Variants in ARMC2 observed in about 807,000 individuals in gnomAD.
ARMC2 encodes the protein armadillo repeat containing 2.
Under a neutral mutation model 90.3 loss-of-function variants are expected in ARMC2, and 67 were observed. The observed-to-expected ratio is 0.74, with a 90% CI of 0.61 to 0.91. The LOEUF (loss-of-function observed/expected upper bound fraction) is 0.91. Among genes scored for constraint, ARMC2 ranks in the 40% least tolerant of loss-of-function variants. The pLI, the probability that ARMC2 is intolerant of heterozygous loss-of-function variation, is 0.00. For synonymous variants in ARMC2, 393 were observed against 393.0 expected (o/e 1.00, Z 0.00); for missense variants, 920 against 1,030.9 (o/e 0.89, Z 1.47).
chr6:108,848,978 G>C (rs1225164520), intron 1 of ARMC2, among the ~76,000 whole-genome samples: 4 of 152,152 alleles, frequency 2.6e-5, no homozygotes, highest in African/African-American at 9.7e-5. Flanking sequence ...AGCCAAGTGC[G>C]TGGTGCTTAA....
chr6:108,925,646 T>C (rs1420483706), intron 10 of ARMC2, among the ~76,000 whole-genome samples: 2 of 152,162 alleles, frequency 1.3e-5, no homozygotes, highest in Admixed American at 1.3e-4. Flanking sequence ...AAAGCCAATA[T>C]GGCTTGGAGT....
At chr6:108,897,620 AT>A (rs1333227296) in intron 6 of ARMC2, among the ~76,000 whole-genome samples, 1 of 152,028 alleles carries the variant, frequency 6.6e-6, no homozygotes, top group Non-Finnish European at 1.5e-5. Flanking sequence ...GGGAGTGGCC[AT>A]TTCTAGCATG....
intron 3 of ARMC2, among the ~76,000 whole-genome samples, chr6:108,865,338 A>G (rs536746133): frequency 6.6e-6 from 1 of 152,300 alleles, no homozygotes; most frequent in East Asian, 1.9e-4. Flanking sequence ...AAATTATTCA[A>G]ATTTTATAAG....
intron 12 of ARMC2, 150 bp downstream of exon 12, chr6:108,937,149 G>A: frequency 4.7e-6 from 3 of 638,774 alleles, no homozygotes; most frequent in Admixed American, 3.0e-5. Flanking sequence ...GAAGCAGTAA[G>A]TTACCTATAG....
chr6:108,910,287 CA>C (rs968970192), intron 8 of ARMC2, among the ~76,000 whole-genome samples: 1 of 151,704 alleles, frequency 6.6e-6, no homozygotes, highest in Non-Finnish European at 1.5e-5. Context: ...AACATCTCTA[CA>C]AAAAAAATGT....
At chr6:108,917,675 T>C (rs1009902228) in intron 10 of ARMC2, among the ~76,000 whole-genome samples, 1 of 152,030 alleles carries the variant, frequency 6.6e-6, no homozygotes, top group African/African-American at 2.4e-5. Context: ...TGAGATAGAG[T>C]CTCACTCTGT....
chr6:108,998,384 T>C, the ARMC2 span: 2 of 1,013,416 alleles, frequency 2.0e-6, no homozygotes, highest in Non-Finnish European at 1.4e-6. Context: ...ACTGAATGAA[T>C]AGATATAGGG....
intron 13 of ARMC2, among the ~76,000 whole-genome samples, chr6:108,955,863 A>T (rs1008779914): frequency 6.6e-6 from 1 of 152,220 alleles, no homozygotes; most frequent in African/African-American, 2.4e-5. Flanking sequence ...AGGGCTTCTC[A>T]GCCCAGGACC....
intron 13 of ARMC2, among the ~76,000 whole-genome samples, chr6:108,958,483 A>G (rs1471128762): frequency 6.6e-6 from 1 of 152,208 alleles, no homozygotes. Context: ...TCCAGATACC[A>G]GACACCATTC....
chr6:109,050,308 G>A, the ARMC2 span, among the ~76,000 whole-genome samples: 1 of 150,904 alleles, frequency 6.6e-6, no homozygotes, highest in African/African-American at 2.4e-5. Context: ...TTAAGTAGCA[G>A]TCAAAACATT....
the ARMC2 span, among the ~76,000 whole-genome samples, chr6:109,023,051 G>C: frequency 5.3e-5 from 8 of 152,114 alleles, no homozygotes; most frequent in African/African-American, 1.9e-4. Flanking sequence ...TCCACCCTCT[G>C]TGACCACCCA....
At chr6:108,958,788 A>T (rs1777780820) in intron 13 of ARMC2, among the ~76,000 whole-genome samples, 1 of 152,244 alleles carries the variant, frequency 6.6e-6, no homozygotes, top group Non-Finnish European at 1.5e-5. Flanking sequence ...CACTCATTTA[A>T]GCCCTTGAAT....
intron 10 of ARMC2, among the ~76,000 whole-genome samples, chr6:108,915,054 G>A (rs1473807258): frequency 6.6e-6 from 1 of 151,954 alleles, no homozygotes; most frequent in Non-Finnish European, 1.5e-5. Context: ...CCAGGTTCAA[G>A]CGATTCTCCT....
intron 2 of ARMC2, among the ~76,000 whole-genome samples, chr6:108,855,318 A>G (rs184588452): frequency 1.6e-4 from 24 of 145,722 alleles, no homozygotes; most frequent in African/African-American, 5.6e-4. Flanking sequence ...GCACGATCTC[A>G]GCTCACTGCA....
chr6:108,885,241 T>C (rs1336875472), intron 5 of ARMC2, among the ~76,000 whole-genome samples: 1 of 152,008 alleles, frequency 6.6e-6, no homozygotes, highest in African/African-American at 2.4e-5. Flanking sequence ...TGTGTGTGTG[T>C]GTGTGTGTGT....
At chr6:109,041,278 G>T in the ARMC2 span, among the ~76,000 whole-genome samples, 797 of 151,946 alleles carry the variant, frequency 5.2e-3, 8 homozygotes, top group African/African-American at 0.017. Context: ...TGCCAGTCTG[G>T]GTGGCAGAGT....
chr6:109,000,228 C>T, the ARMC2 span: 2 of 276,820 alleles, frequency 7.2e-6, no homozygotes, highest in Non-Finnish European at 1.3e-5. Flanking sequence ...GGATGCGTGA[C>T]ATTAGGCATT....
chr6:108,973,715 A>AT lies in ARMC2; in HGVS notation c.*204dup. On this transcript the variant is annotated 3_prime_UTR_variant, in exon 18 of 18. Transcript: ENST00000392644. The stretch of plus-strand genomic sequence containing the variant: ...ATGGAAAAATGAATATACACATTAT[A>AT]TTTCCTGTTGAGAGAAATGTAAGAT... The AT allele has an allele frequency of 2.3e-6, 1 of 436,438 alleles. No homozygotes were observed. Among genetic ancestry groups the AT allele is most frequent in the East Asian group, 3.5e-5 (1 of 28,560 alleles). The allele number at this position is 436,438 out of a possible 1,614,324, so 27.0% of individuals were successfully genotyped here. A position where few individuals can be genotyped will look rare whatever the true frequency, so the allele number is the denominator to read the frequency against.
chr6:108,954,363 G>A (rs538360947), intron 13 of ARMC2, among the ~76,000 whole-genome samples: 1 of 152,284 alleles, frequency 6.6e-6, no homozygotes, highest in South Asian at 2.1e-4. Context: ...GGTGGCTCAG[G>A]CCTGTAATCC....
Sources: gnomAD v4.1 joint callset for allele counts (sites outside exome capture counted in the v4.1 genomes callset) on GRCh38, gnomAD v4.1.1 for gene constraint, MANE v1.5 for transcripts, NCBI Gene and HGNC (gene_info 2026-07-23, HGNC 2026-07-21) for gene names.